The following SNX24 variants were observed in gnomAD, a reference collection of about 807,000 sequenced individuals.
The protein encoded by SNX24 is sorting nexin-24.
Under a neutral mutation model 28.7 loss-of-function variants are expected in SNX24, and 22 were observed. The ratio of observed to expected loss-of-function variants is 0.77; its 90% CI spans 0.55 to 1.10. SNX24 has a LOEUF of 1.10. Ranked by LOEUF, SNX24 falls within the 50% of genes least tolerant of loss-of-function variation. The pLI is 0.00. For missense variants in SNX24, 221 were observed against 201.1 expected, an observed-to-expected ratio of 1.10 and a Z score of -0.60; for synonymous variants, 69 against 71.5, an observed-to-expected ratio of 0.96 and a Z score of 0.18.
In SNX24 at chr5:122,956,361, AAT is replaced by A. The variant is rs1305495948; in HGVS notation, c.249+10208_249+10209del. ...CCTTTAAAACACTTGGGAAAAAAAA[AAT>A]ATATACACACACACACACACACACA... On this transcript the variant is annotated intron_variant, in intron 3 of 6. Transcript: ENST00000261369. Among the ~76,000 whole-genome samples the A allele has an allele frequency of 4.3e-3, 387 of 89,914 alleles. 2 individuals carry two copies. The highest frequency in any genetic ancestry group is 5.8e-3 in the Non-Finnish European group (263 of 45,172). 59.0% of individuals were successfully genotyped at this position (89,914 alleles called of 152,430 possible).
At chr5:122,968,047 A>T (rs1415065084) in intron 3 of SNX24, among the ~76,000 whole-genome samples, 3 of 152,210 alleles carry the variant, frequency 2.0e-5, no homozygotes, top group Non-Finnish European at 4.4e-5. Flanking sequence ...TTATTATGGG[A>T]TGTTGTTGCC....
chr5:122,879,794 T>G (rs1242089177), intron 1 of SNX24, among the ~76,000 whole-genome samples: 1 of 152,202 alleles, frequency 6.6e-6, no homozygotes, highest in Non-Finnish European at 1.5e-5. Flanking sequence ...GTGCTGAGAT[T>G]ACAGGCATGA....
chr5:122,886,937 G>T (rs949625118), intron 1 of SNX24, among the ~76,000 whole-genome samples: 5 of 152,016 alleles, frequency 3.3e-5, no homozygotes, highest in Admixed American at 1.3e-4. Flanking sequence ...TTTTATAGGG[G>T]ATGTCTAGAA....
chr5:123,007,673 T>TTTTTTTTAG lies in SNX24; in HGVS notation c.443-4_443-3insTTAGTTTTT. 1 of 1,576,432 alleles carries TTTTTTTTAG rather than the reference T, an allele frequency of 6.3e-7. No homozygotes were observed. Among genetic ancestry groups the TTTTTTTTAG allele is most frequent in the Non-Finnish European group, 8.6e-7 (1 of 1,168,020 alleles). ...CTTTTTTTTTTCTTTTTTTTTTTCT[T>TTTTTTTTAG]TTTTTCAGATTTTCCAAATGTGGTT... On this transcript the variant is annotated splice_polypyrimidine_tract_variant and intron_variant, in intron 6 of 6. Transcript: ENST00000261369.
At chr5:123,002,885 C>T (rs1762293977) in intron 6 of SNX24, among the ~76,000 whole-genome samples, 2 of 152,258 alleles carry the variant, frequency 1.3e-5, no homozygotes, top group South Asian at 4.1e-4. Flanking sequence ...TCCTTAACAA[C>T]CTTGTGAACT....
At chr5:122,988,625 T>C (rs1417790385) in intron 3 of SNX24, among the ~76,000 whole-genome samples, 1 of 152,224 alleles carries the variant, frequency 6.6e-6, no homozygotes, top group Non-Finnish European at 1.5e-5. Context: ...GTTTGGCCAT[T>C]TCTTTTGTAA....
intron 3 of SNX24, among the ~76,000 whole-genome samples, chr5:122,973,680 G>A (rs184105782): frequency 6.6e-6 from 1 of 152,154 alleles, no homozygotes. Flanking sequence ...CCACTTTATG[G>A]CTAGATGGAT....
chr5:123,017,083 C>A (rs1366999509), intron 5 of SNX24, among the ~76,000 whole-genome samples: 1 of 152,054 alleles, frequency 6.6e-6, no homozygotes, highest in African/African-American at 2.4e-5. Flanking sequence ...GCACCGAGAT[C>A]AAACCTGTGA....
chr5:122,942,417 A>G lies in SNX24; in HGVS notation c.145-3638A>G, dbSNP rs146082608. On this transcript the variant is annotated intron_variant, in intron 2 of 6. Transcript: ENST00000261369. ...GGAACCCTGAGGAAGTAGCGGTGGC[A>G]ATACAGGGGGAAAGATGGGATTTTA... Among the ~76,000 whole-genome samples, 162 of 152,344 alleles carry G rather than the reference A, an allele frequency of 1.1e-3. 1 individual carries two copies. The highest frequency in any genetic ancestry group is 3.5e-3 in the African/African-American group (147 of 41,586).
rs1468193073 is a variant in SNX24 at position 123,007,895 on chromosome 5, G to A, written c.*146G>A. ...ACAGTCCCAGCTTAATTCAGGGCAG[G>A]GACATTTCCATTAGAATGGTGCTCT... On this transcript the variant is annotated 3_prime_UTR_variant, in exon 7 of 7. Transcript: ENST00000261369. 10 of 1,451,622 alleles carry A rather than the reference G, an allele frequency of 6.9e-6. No individual in the cohort carries two copies. Among genetic ancestry groups the A allele is most frequent in the African/African-American group, 1.4e-5 (1 of 69,132 alleles). The allele number at this position is 1,451,622 out of a possible 1,614,324, so 89.9% of individuals were successfully genotyped here.
intron 3 of SNX24, among the ~76,000 whole-genome samples, chr5:122,992,570 C>T (rs1471761770): frequency 2.6e-5 from 4 of 152,184 alleles, no homozygotes; most frequent in Non-Finnish European, 5.9e-5. Flanking sequence ...ATTCAACTCC[C>T]AGCTCAAGGG....
chr5:123,014,333 A>ATTTTTTT lies in SNX24; in HGVS notation n.383+12352_383+12358dup, dbSNP rs70988553. Among the ~76,000 whole-genome samples the ATTTTTTT allele has an allele frequency of 4.4e-4, 34 of 77,310 alleles. 7 individuals carry two copies. The highest frequency in any genetic ancestry group is 4.7e-4 in the Admixed American group (3 of 6,402). 50.7% of individuals were successfully genotyped at this position (77,310 alleles called of 152,430 possible). A position where few individuals can be genotyped will look rare whatever the true frequency, so the allele number is the denominator to read the frequency against. On this transcript the variant is annotated intron_variant and non_coding_transcript_variant, in intron 5 of 5. Coordinates refer to the SNX24 transcript ENST00000502387. ...AGGCACACGCCACTGTGCCCAGCTG[A>ATTTTTTT]TTTTTTTTTTTTTTTTTTTTTTTTT...
At chr5:122,959,504 G>A (rs1394890760) in intron 3 of SNX24, among the ~76,000 whole-genome samples, 1 of 151,894 alleles carries the variant, frequency 6.6e-6, no homozygotes, top group Admixed American at 6.6e-5. Context: ...CAAAATGCTA[G>A]AATTACAGGT....
intron 3 of SNX24, among the ~76,000 whole-genome samples, chr5:122,958,464 A>G (rs183634): frequency 0.77 from 116,506 of 151,582 alleles, 45,632 homozygotes; most frequent in East Asian, 0.99. Context: ...ATGTTGGCCA[A>G]GCTGGTCTCA....
chr5:123,008,943 A>G lies in SNX24; in HGVS notation c.*1194A>G. On this transcript the variant is annotated 3_prime_UTR_variant, in exon 7 of 7. Transcript: ENST00000261369. ...TAGCCTATTTATGGTTATTCGTTTT[A>G]GTAAGTTCTGTGGGAGCAAGGTATT... The G allele has an allele frequency of 1.0e-6, 1 of 985,496 alleles. No homozygotes were observed. The highest frequency in any genetic ancestry group is 1.2e-6 in the Non-Finnish European group (1 of 829,570). The allele number at this position is 985,496 out of a possible 1,614,324, so 61.0% of individuals were successfully genotyped here.
chr5:122,954,962 CCTT>C (rs1271875753), intron 3 of SNX24, among the ~76,000 whole-genome samples: 2 of 151,980 alleles, frequency 1.3e-5, no homozygotes, highest in Non-Finnish European at 2.9e-5. Context: ...ACTTTCAGCT[CCTT>C]CTTCTTTCTC....
At chr5:122,989,243 G>A (rs1761731257) in intron 3 of SNX24, among the ~76,000 whole-genome samples, 1 of 152,164 alleles carries the variant, frequency 6.6e-6, no homozygotes, top group South Asian at 2.1e-4. Context: ...AAAGTGGTAG[G>A]TAGTTGTGGG....
chr5:122,975,696 A>G (rs367893521), intron 3 of SNX24, among the ~76,000 whole-genome samples: 1 of 152,360 alleles, frequency 6.6e-6, no homozygotes, highest in Admixed American at 6.5e-5. Flanking sequence ...GAAAATTGGC[A>G]GAATTCATTC....
chr5:122,945,798 A>G (rs184238829), intron 2 of SNX24, among the ~76,000 whole-genome samples: 1 of 152,306 alleles, frequency 6.6e-6, no homozygotes, highest in East Asian at 1.9e-4. Context: ...TTCAGGAAAA[A>G]GGATTTCAAT....
Sources: allele counts gnomAD v4.1 joint callset (sites outside exome capture counted in the v4.1 genomes callset), GRCh38; gene constraint gnomAD v4.1.1; transcripts MANE v1.5; gene names NCBI Gene and HGNC (gene_info 2026-07-23, HGNC 2026-07-21).